Variants in SLIT2 observed in about 807,000 individuals in gnomAD.
The protein encoded by SLIT2 is slit guidance ligand 2.
In SLIT2, 41 loss-of-function variants were observed where a neutral mutation model predicts 185.7. That is an observed-to-expected ratio of 0.22 (90% confidence interval 0.17 to 0.29). The LOEUF (loss-of-function observed/expected upper bound fraction) is 0.29, where lower values mean the gene tolerates loss of function less well. SLIT2 is among the 10% of genes least tolerant of loss of function. SLIT2 has a pLI of 1.00. For synonymous variants in SLIT2, 693 were observed against 680.2 expected (o/e 1.02, Z -0.29); for missense variants, 1,571 against 1,909.0 (o/e 0.82, Z 3.30).
At position 20,617,512 on chromosome 4, in the gene SLIT2, G is replaced by T; in HGVS notation, c.4210G>T (p.Val1404Phe). ...TAAGTGCTTGGAGGGCCATGGAGGT[G>T]TCCTCTGTGATGAAGAGGAGGATCT... is the stretch of plus-strand genomic sequence containing the variant. ...SCKCLEGHGG[V>F]LCDEEEDLFN... The change falls in exon 36 of 37, where the codon GTC (valine) becomes TTC (phenylalanine). Residue 1404 changes from valine (V) to phenylalanine (F), a missense_variant. Transcript: ENST00000504154. 1 of 1,614,008 alleles carries T rather than the reference G, an allele frequency of 6.2e-7. No individual in the cohort carries two copies. The highest frequency in any genetic ancestry group is 8.5e-7 in the Non-Finnish European group (1 of 1,179,900).
At chr4:20,585,899 C>T (rs1275706298) in intron 29 of SLIT2, among the ~76,000 whole-genome samples, 3 of 152,118 alleles carry the variant, frequency 2.0e-5, no homozygotes, top group Non-Finnish European at 4.4e-5. Flanking sequence ...GGCATCATGT[C>T]CTCACAATAC....
At chr4:20,442,794 A>G (rs566535054) in intron 4 of SLIT2, among the ~76,000 whole-genome samples, 2 of 152,286 alleles carry the variant, frequency 1.3e-5, no homozygotes, top group Non-Finnish European at 2.9e-5. Flanking sequence ...AGCAAACTCT[A>G]TGGAATTTTC....
chr4:20,608,268 C>T (rs923123237), intron 33 of SLIT2, among the ~76,000 whole-genome samples: 23 of 151,988 alleles, frequency 1.5e-4, no homozygotes, highest in Non-Finnish European at 1.0e-4. Flanking sequence ...AATAAAGTAA[C>T]TTATCTAAAA....
chr4:20,320,786 C>T (rs1719013804), intron 4 of SLIT2, among the ~76,000 whole-genome samples: 1 of 152,160 alleles, frequency 6.6e-6, no homozygotes. Context: ...CAACTTCTAT[C>T]TCAAGCTTTA....
In SLIT2 at chr4:20,564,221, C is replaced by A. The variant is rs550576001; in HGVS notation, c.2726-3041C>A. Among the ~76,000 whole-genome samples the A allele has an allele frequency of 1.0e-3, 159 of 151,736 alleles. 2 individuals are homozygous for A. Among genetic ancestry groups the A allele is most frequent in the African/African-American group, 3.6e-3 (149 of 41,324 alleles). The stretch of plus-strand genomic sequence containing the variant: ...AAAGTGTAGTGGATAGAAAATGAAT[C>A]ACAAGTTGAATGCAAACAGAAGACA... On this transcript the variant is annotated intron_variant, in intron 26 of 36. Coordinates refer to ENST00000504154, the MANE Select transcript of SLIT2 (RefSeq NM_004787.4).
rs150275493 is a variant in SLIT2, at chr4:20,596,473, A to C, written c.3379A>C (p.Asn1127His). 29 of 1,613,848 alleles carry C rather than the reference A, an allele frequency of 1.8e-5. No individual in the cohort carries two copies. In the African/African-American group the frequency reaches 3.9e-4, roughly 22 times the overall value. ...MVLPRTSPCDNFDCQNGAQCI... is the reference protein window; with the variant it reads ...MVLPRTSPCDHFDCQNGAQCI... The stretch of plus-strand genomic sequence containing the variant: ...CCTCCCTCGTACCAGCCCCTGTGAT[A>C]ATTTTGATTGTCAGAATGGAGCTCA... The change falls in exon 32 of 37, where the codon AAT (asparagine) becomes CAT (histidine). Residue 1127 changes from asparagine (N) to histidine (H), a missense_variant. This residue lies in a region of SLIT2 where 1,202 missense variants were observed against 1,416.4 expected (regional missense o/e 0.85). Transcript: ENST00000504154.
intron 4 of SLIT2, among the ~76,000 whole-genome samples, chr4:20,319,113 G>C (rs1205369053): frequency 6.6e-6 from 1 of 152,132 alleles, no homozygotes; most frequent in Non-Finnish European, 1.5e-5. Flanking sequence ...CTTTAAAGGG[G>C]AAAAGACTGT....
At chr4:20,356,043 A>T (rs1050458924) in intron 4 of SLIT2, among the ~76,000 whole-genome samples, 2 of 152,196 alleles carry the variant, frequency 1.3e-5, no homozygotes, top group African/African-American at 4.8e-5. Flanking sequence ...AGGGAACAAG[A>T]TAAATGATTA....
rs1721530443 is a variant in SLIT2 at position 20,528,849 on chromosome 4, C to T, written c.1463-100C>T. The T allele has an allele frequency of 3.3e-6, 3 of 917,992 alleles. No homozygotes were observed. The highest frequency in any genetic ancestry group is 3.2e-6 in the Non-Finnish European group (2 of 620,102). 56.9% of individuals were successfully genotyped at this position (917,992 alleles called of 1,614,324 possible). On this transcript the variant is annotated intron_variant, in intron 15 of 36. Transcript: ENST00000504154. This position sits in a 1 kb window ranked among gnomAD's most constrained non-coding sequence, Gnocchi z 4.2. ...CAAAATACCCCAAGTTGTCTCCCTG[C>T]TACATAATCTATAGTTATCTTACTT...
chr4:20,559,437 T>G (rs1724518288), intron 26 of SLIT2, among the ~76,000 whole-genome samples: 2 of 151,952 alleles, frequency 1.3e-5, no homozygotes, highest in Admixed American at 1.3e-4. Flanking sequence ...ACAGTGCCCT[T>G]TGCCAGCATT....
intron 4 of SLIT2, among the ~76,000 whole-genome samples, chr4:20,440,075 A>T (rs1729635445): frequency 6.6e-6 from 1 of 152,206 alleles, no homozygotes; most frequent in African/African-American, 2.4e-5. Context: ...ATTAATTGTT[A>T]AAAGTTCCAA....
At chr4:20,545,832 A>G (rs1377452631) in intron 21 of SLIT2, among the ~76,000 whole-genome samples, 199 bp from the exon 22 acceptor site, 2 of 151,968 alleles carry the variant, frequency 1.3e-5, no homozygotes, top group African/African-American at 4.8e-5. Context: ...TAAACCACAA[A>G]GAACTGGACT....
intron 4 of SLIT2, among the ~76,000 whole-genome samples, chr4:20,283,558 C>T (rs1183436263): frequency 6.6e-6 from 1 of 152,056 alleles, no homozygotes; most frequent in Non-Finnish European, 1.5e-5. Context: ...AAAAATACAC[C>T]TGAATGATGC....
At chr4:20,378,573 G>A (rs1156647867) in intron 4 of SLIT2, among the ~76,000 whole-genome samples, 4 of 152,126 alleles carry the variant, frequency 2.6e-5, no homozygotes, top group Non-Finnish European at 1.5e-5. Flanking sequence ...AAACTCAGTA[G>A]TTGCTAGTAT....
At chr4:20,552,524 C>T (rs1383294101) in intron 25 of SLIT2, 2 of 152,048 alleles carry the variant, frequency 1.3e-5, no homozygotes, top group African/African-American at 4.8e-5. Context: ...TTCCCACTTC[C>T]TCCCCTGTCA....
rs1417239240 is a variant in SLIT2 at position 20,492,650 on chromosome 4, G to T, written c.914+751G>T. On this transcript the variant is annotated intron_variant, in intron 9 of 36. Transcript: ENST00000504154. ...TGACAAAACCCCTTTTAACCACCCA[G>T]CCCATTATATTATTATGTTATAGGC... 2.6e-5 allele frequency among the ~76,000 whole-genome samples: 4 copies of T among 152,044 alleles called. No individual in the cohort carries two copies. In the East Asian group the frequency reaches 7.7e-4, roughly 29 times the overall value.
Position 20,529,047 on chromosome 4 carries a change from A to G in SLIT2, c.1561A>G (p.Asn521Asp). ...TGAAGGAACCACAGTAGATTGCTCTAATCAAAAGCTCAACAAAATCCCGGA... is the reference window on the plus strand; with the variant it reads ...TGAAGGAACCACAGTAGATTGCTCTGATCAAAAGCTCAACAAAATCCCGGA... ...RCEGTTVDCS[N>D]QKLNKIPEHI... Residue 521 changes from asparagine to aspartate, a missense_variant, in exon 16 of 37, where the codon AAT becomes GAT. Physicochemically the swap from Asn to Asp is conservative, Grantham distance 23 (BLOSUM62 1). Transcript: ENST00000504154. The G allele has an allele frequency of 6.2e-7, 1 of 1,613,976 alleles. No individual in the cohort carries two copies. The highest frequency in any genetic ancestry group is 1.1e-5 in the South Asian group (1 of 91,062).
chr4:20,439,712 A>G (rs970671406), intron 4 of SLIT2, among the ~76,000 whole-genome samples: 1 of 152,220 alleles, frequency 6.6e-6, no homozygotes, highest in Non-Finnish European at 1.5e-5. Context: ...CATTGACTTC[A>G]TTAATGGTAG....
At chr4:20,533,394 G>A (rs1299436173) in intron 17 of SLIT2, 178 bp from the exon 18 acceptor site, 1 of 601,830 alleles carries the variant, frequency 1.7e-6, no homozygotes, top group East Asian at 2.8e-5. Context: ...TTCCCTGTTA[G>A]TATTATTGTC....
Sources: gnomAD v4.1 joint callset for allele counts (sites outside exome capture counted in the v4.1 genomes callset) on GRCh38, gnomAD v4.1.1 for gene constraint, gnomAD v4.1.1 regional missense constraint, Gnocchi (gnomAD v3.1) non-coding constraint, MANE v1.5 for transcripts, NCBI Gene and HGNC (gene_info 2026-07-23, HGNC 2026-07-21) for gene names.